GRID2: variants seen among roughly 807,000 people sequenced by gnomAD.
The protein encoded by GRID2 is glutamate ionotropic receptor delta type subunit 2, also known as glutamate receptor ionotropic, delta-2.
GRID2 carries 33 observed loss-of-function variants against 114.8 expected under a neutral mutation model. The ratio of observed to expected loss-of-function variants is 0.29; its 90% CI spans 0.22 to 0.38. The LOEUF (loss-of-function observed/expected upper bound fraction) is 0.38, where lower values mean the gene tolerates loss of function less well. Among genes scored for constraint, GRID2 ranks in the 10% least tolerant of loss-of-function variants. The pLI is 1.00. For missense variants in GRID2, 1,184 were observed against 1,257.7 expected (o/e 0.94, Z 0.89); for synonymous variants, 505 against 449.9 (o/e 1.12, Z -1.55).
At chr4:93,426,081 A>C (rs1030491875) in intron 10 of GRID2, among the ~76,000 whole-genome samples, 4 of 152,194 alleles carry the variant, frequency 2.6e-5, no homozygotes, top group South Asian at 2.1e-4. Flanking sequence ...TTTGTAAGGA[A>C]TGGAGAAGAG....
At chr4:93,311,580 T>C (rs945636830) in intron 8 of GRID2, among the ~76,000 whole-genome samples, 32 of 152,332 alleles carry the variant, frequency 2.1e-4, no homozygotes, top group African/African-American at 7.5e-4. Flanking sequence ...GCAAATTGGC[T>C]GTACTGGTTA....
chr4:93,784,375 G>C (rs1193567167), intron 1 of GRID2, among the ~76,000 whole-genome samples: 1 of 152,086 alleles, frequency 6.6e-6, no homozygotes, highest in Non-Finnish European at 1.5e-5. Flanking sequence ...CCTCAGCTGA[G>C]ATTCCTTCTG....
intron 8 of GRID2, among the ~76,000 whole-genome samples, chr4:93,287,120 A>G (rs1410615668): frequency 6.6e-6 from 1 of 152,176 alleles, no homozygotes; most frequent in African/African-American, 2.4e-5. Context: ...AAAAAATGAA[A>G]AGAAAGGTAA....
exon 2 of GRID2, chr4:93,806,715 G>C (rs149198646): frequency 6.6e-6 from 1 of 152,276 alleles, no homozygotes; most frequent in East Asian, 1.9e-4. Flanking sequence ...TTCCCCACAG[G>C]CTTCATCCCT....
At chr4:93,058,894 A>T in intron 2 of GRID2, among the ~76,000 whole-genome samples, 1 of 152,192 alleles carries the variant, frequency 6.6e-6, no homozygotes, top group South Asian at 2.1e-4. Flanking sequence ...TATAAAAGAA[A>T]TTGTTACTAC....
intron 4 of GRID2, among the ~76,000 whole-genome samples, chr4:93,151,984 GTTTAA>G (rs1462348448): frequency 5.3e-5 from 8 of 152,002 alleles, no homozygotes; most frequent in Admixed American, 6.6e-5. Context: ...AATGCAAGCT[GTTTAA>G]TTTATTTTTG....
chr4:93,237,779 A>T (rs1579383568), intron 7 of GRID2, among the ~76,000 whole-genome samples: 1 of 151,914 alleles, frequency 6.6e-6, no homozygotes, highest in Non-Finnish European at 1.5e-5. Context: ...GAGAATCTCA[A>T]CAGCCAGCAC....
intron 8 of GRID2, among the ~76,000 whole-genome samples, chr4:93,250,946 A>T (rs1821342): frequency 6.6e-6 from 1 of 151,278 alleles, no homozygotes; most frequent in Non-Finnish European, 1.5e-5. Flanking sequence ...AGGGGAGGTT[A>T]TTCAAATGTG....
chr4:92,784,657 T>TA (rs1739236829), intron 2 of GRID2, among the ~76,000 whole-genome samples: 1 of 151,920 alleles, frequency 6.6e-6, no homozygotes, highest in African/African-American at 2.4e-5. Context: ...GTCAATACTT[T>TA]AGTGTTTGCT....
At chr4:93,585,613 A>T (rs563613420) in intron 13 of GRID2, among the ~76,000 whole-genome samples, 1 of 151,986 alleles carries the variant, frequency 6.6e-6, no homozygotes, top group African/African-American at 2.4e-5. Flanking sequence ...TAATCATTTC[A>T]TTATTCTTCC....
intron 12 of GRID2, among the ~76,000 whole-genome samples, chr4:93,508,874 G>C (rs1728901084): frequency 6.6e-6 from 1 of 152,196 alleles, no homozygotes; most frequent in South Asian, 2.1e-4. Flanking sequence ...TGAAAGGAAG[G>C]AATTCTCCAG....
intron 2 of GRID2, among the ~76,000 whole-genome samples, chr4:92,599,089 C>T (rs557765419): frequency 1.6e-4 from 21 of 132,114 alleles, no homozygotes; most frequent in Admixed American, 7.9e-4. Flanking sequence ...GCTGGTTCTG[C>T]TAGTCAGCAC....
chr4:93,145,178 A>C (rs1007540542), intron 4 of GRID2, among the ~76,000 whole-genome samples: 4 of 152,138 alleles, frequency 2.6e-5, no homozygotes, highest in African/African-American at 4.8e-5. Flanking sequence ...CGCTTATCAC[A>C]GCATGTTGCA....
intron 2 of GRID2, among the ~76,000 whole-genome samples, chr4:93,044,563 C>A (rs2149273093): frequency 6.6e-6 from 1 of 152,182 alleles, no homozygotes; most frequent in Non-Finnish European, 1.5e-5. Context: ...TTGCATCAGT[C>A]ATCTATATTA....
chr4:93,042,760 T>TTTAG, intron 2 of GRID2, among the ~76,000 whole-genome samples: 2 of 149,464 alleles, frequency 1.3e-5, no homozygotes, highest in African/African-American at 2.5e-5. Context: ...GAAATTACAT[T>TTTAG]CCTAGCAACT....
intron 2 of GRID2, among the ~76,000 whole-genome samples, chr4:92,816,288 C>A (rs1740903786): frequency 7.8e-6 from 1 of 128,448 alleles, no homozygotes; most frequent in Admixed American, 9.5e-5. Flanking sequence ...GCACTCCAGT[C>A]TGGGCAACAA....
chr4:92,914,935 G>A (rs556104367), intron 2 of GRID2, among the ~76,000 whole-genome samples: 3 of 152,134 alleles, frequency 2.0e-5, no homozygotes, highest in Non-Finnish European at 4.4e-5. Flanking sequence ...ATATGTATTA[G>A]TCTATCTTCA....
At chr4:93,785,594 T>G (rs529458846) in intron 1 of GRID2, among the ~76,000 whole-genome samples, 82 of 152,312 alleles carry the variant, frequency 5.4e-4, no homozygotes, top group African/African-American at 1.9e-3. Context: ...CTTGTAATGC[T>G]TCATTAACCG....
chr4:92,869,294 G>A (rs146717379), intron 2 of GRID2, among the ~76,000 whole-genome samples: 19 of 152,270 alleles, frequency 1.2e-4, no homozygotes, highest in African/African-American at 4.3e-4. Flanking sequence ...GTGTAATCAC[G>A]ATGAAATGGA....
Sources: gnomAD v4.1 joint callset for allele counts (sites outside exome capture counted in the v4.1 genomes callset) on GRCh38, gnomAD v4.1.1 for gene constraint, MANE v1.5 for transcripts, NCBI Gene and HGNC (gene_info 2026-07-23, HGNC 2026-07-21) for gene names.